Variants in PLEKHA7 observed in about 807,000 individuals in gnomAD.
PLEKHA7 encodes pleckstrin homology domain-containing family A member 7.
PLEKHA7 carries 104 observed loss-of-function variants against 170.0 expected under a neutral mutation model. That is an observed-to-expected ratio of 0.61 (90% CI 0.52 to 0.72). The LOEUF (loss-of-function observed/expected upper bound fraction) is 0.72, where lower values mean the gene tolerates loss of function less well. Among genes scored for constraint, PLEKHA7 ranks in the 30% least tolerant of loss-of-function variants. The pLI is 0.00. For synonymous variants in PLEKHA7, 648 were observed against 660.8 expected, an observed-to-expected ratio of 0.98 and a Z score of 0.30; for missense variants, 1,615 against 1,671.7, an observed-to-expected ratio of 0.97 and a Z score of 0.59.
rs150465010 is a variant in PLEKHA7, at chr11:16,970,560, C to T, written c.221+43429G>A. 2.3e-3 allele frequency among the ~76,000 whole-genome samples: 352 copies of T among 151,888 alleles called. 2 individuals are homozygous for T. The highest frequency in any genetic ancestry group is 8.1e-3 in the African/African-American group (334 of 41,408). On this transcript the variant is annotated intron_variant, in intron 3 of 26. Coordinates refer to ENST00000531066, the MANE Select transcript of PLEKHA7 (RefSeq NM_001329630.2). ...TGTGTGCCTGTAGTCCCAGATACTA[C>T]GGAGGTTGAGGCAGGAAGATCGCTT... is the stretch of plus-strand genomic sequence containing the variant.
chr11:16,934,782 T>C (rs1225671813), intron 3 of PLEKHA7, among the ~76,000 whole-genome samples: 2 of 152,242 alleles, frequency 1.3e-5, no homozygotes, highest in African/African-American at 2.4e-5. Context: ...TTCAGATTCA[T>C]GTAATTAATA....
chr11:16,934,095 G>C (rs1860124586), intron 3 of PLEKHA7, among the ~76,000 whole-genome samples: 1 of 152,172 alleles, frequency 6.6e-6, no homozygotes, highest in Admixed American at 6.5e-5. Flanking sequence ...GTGGAAGAAA[G>C]ATAAGTTATC....
chr11:17,004,027 AG>A (rs1168849214), intron 3 of PLEKHA7, among the ~76,000 whole-genome samples: 2 of 152,242 alleles, frequency 1.3e-5, no homozygotes, highest in East Asian at 1.9e-4. Flanking sequence ...AAGACTGAAC[AG>A]GGGGAACTCG....
chr11:16,956,185 ATTTTG>A (rs889462816), intron 3 of PLEKHA7, among the ~76,000 whole-genome samples: 4 of 152,026 alleles, frequency 2.6e-5, no homozygotes, highest in South Asian at 4.2e-4. Context: ...ATACGTACCT[ATTTTG>A]TTTTATTTTT....
At chr11:16,900,374 T>C (rs1314301306) in intron 3 of PLEKHA7, among the ~76,000 whole-genome samples, 1 of 152,184 alleles carries the variant, frequency 6.6e-6, no homozygotes, top group East Asian at 1.9e-4. Context: ...AGGAAGACAC[T>C]AGAGTGAATT....
intron 25 of PLEKHA7, 138 bp downstream of exon 25, chr11:16,783,562 C>G (rs972604385): frequency 3.2e-6 from 3 of 951,674 alleles, no homozygotes; most frequent in Non-Finnish European, 4.2e-6. Flanking sequence ...CAGCCTGCCC[C>G]CTCCAATGAG....
At chr11:16,862,720 A>G (rs1352247503) in intron 4 of PLEKHA7, among the ~76,000 whole-genome samples, 1 of 152,176 alleles carries the variant, frequency 6.6e-6, no homozygotes, top group Non-Finnish European at 1.5e-5. Context: ...AGGCCCAGCC[A>G]ACACCCAGGT....
intron 3 of PLEKHA7, among the ~76,000 whole-genome samples, chr11:16,979,995 A>G (rs1863326072): frequency 1.3e-5 from 2 of 152,212 alleles, no homozygotes; most frequent in Admixed American, 6.5e-5. Context: ...GGGTCCTGCC[A>G]CAGGCAGACT....
intron 3 of PLEKHA7, among the ~76,000 whole-genome samples, chr11:17,004,648 C>T (rs1407051755): frequency 5.3e-5 from 8 of 152,058 alleles, no homozygotes; most frequent in Admixed American, 2.6e-4. Flanking sequence ...CCACCTCGGC[C>T]TCCCAAAGTG....
At chr11:16,953,304 T>C (rs1487449999) in intron 3 of PLEKHA7, among the ~76,000 whole-genome samples, 2 of 152,246 alleles carry the variant, frequency 1.3e-5, no homozygotes, top group Non-Finnish European at 2.9e-5. Flanking sequence ...TTGTACTGAT[T>C]AACCAAACGA....
intron 10 of PLEKHA7, among the ~76,000 whole-genome samples, chr11:16,819,152 C>T (rs1850015965): frequency 6.6e-6 from 1 of 151,904 alleles, no homozygotes; most frequent in Non-Finnish European, 1.5e-5. Flanking sequence ...GGCTGGAGTG[C>T]AGCGGTGCAA....
intron 3 of PLEKHA7, among the ~76,000 whole-genome samples, chr11:16,946,388 C>T (rs941961438): frequency 6.6e-6 from 1 of 152,178 alleles, no homozygotes; most frequent in Admixed American, 6.5e-5. Flanking sequence ...CGTGTGAAAC[C>T]CTCCTTTCTC....
intron 9 of PLEKHA7, among the ~76,000 whole-genome samples, chr11:16,840,892 AG>A (rs1298703575): frequency 2.0e-5 from 3 of 152,206 alleles, no homozygotes; most frequent in African/African-American, 7.2e-5. Flanking sequence ...GTCACTAAAA[AG>A]TTCCACCCTT....
chr11:16,961,323 T>C (rs1862045803), intron 3 of PLEKHA7, among the ~76,000 whole-genome samples: 1 of 152,172 alleles, frequency 6.6e-6, no homozygotes, highest in Non-Finnish European at 1.5e-5. Flanking sequence ...CCCAAGCGCC[T>C]TGAGGTGGTC....
rs1399676813 is a variant in PLEKHA7, at chr11:17,014,330, G to C, written c.72C>G (p.Arg24=). 9 of 1,447,500 alleles carry C rather than the reference G, an allele frequency of 6.2e-6. No homozygotes were observed. The highest frequency in any genetic ancestry group is 6.4e-6 in the Non-Finnish European group (7 of 1,095,526). 89.7% of individuals were successfully genotyped at this position (1,447,500 alleles called of 1,614,324 possible). ...HWSYGVCRDG[R]VFFINDQLRC... is the part of the protein sequence containing the mutation. Reference sequence around the variant, plus strand: ...TCGCGCCGCACTTGATGAAGAAGACGCGGCCATCCCGGCACACCCCGTAGG... The same window carrying C: ...TCGCGCCGCACTTGATGAAGAAGACCCGGCCATCCCGGCACACCCCGTAGG... The change falls in exon 1 of 27, where the codon CGC becomes CGG. Residue 24 remains arginine, a synonymous_variant. Coordinates refer to ENST00000531066, the MANE Select transcript of PLEKHA7 (RefSeq NM_001329630.2).
intron 4 of PLEKHA7, among the ~76,000 whole-genome samples, chr11:16,862,569 T>C (rs190848491): frequency 3.7e-4 from 57 of 152,282 alleles, no homozygotes; most frequent in African/African-American, 1.2e-3. Flanking sequence ...AGGAAGCAGC[T>C]TCCCTTCCTC....
At chr11:16,979,321 T>A (rs1590771869) in intron 3 of PLEKHA7, among the ~76,000 whole-genome samples, 1 of 152,176 alleles carries the variant, frequency 6.6e-6, no homozygotes, top group East Asian at 1.9e-4. Context: ...AGCCACCGCA[T>A]CCAGCCTCCC....
At chr11:16,865,150 T>C (rs957261954) in intron 4 of PLEKHA7, among the ~76,000 whole-genome samples, 1 of 152,258 alleles carries the variant, frequency 6.6e-6, no homozygotes, top group East Asian at 1.9e-4. Context: ...GAGCTTGGCA[T>C]GCCCTTTGTA....
intron 25 of PLEKHA7, 146 bp downstream of exon 25, chr11:16,783,553 AG>A: frequency 1.1e-6 from 1 of 869,632 alleles, no homozygotes; most frequent in Non-Finnish European, 1.6e-6. Flanking sequence ...GCGATGTACC[AG>A]CCTGCCCCCT....
Sources: gnomAD v4.1 joint callset for allele counts (sites outside exome capture counted in the v4.1 genomes callset) on GRCh38, gnomAD v4.1.1 for gene constraint, MANE v1.5 for transcripts, NCBI Gene and HGNC (gene_info 2026-07-23, HGNC 2026-07-21) for gene names.